Variants in RASGRF1 observed in about 807,000 individuals in gnomAD.
The protein encoded by RASGRF1 is ras-specific guanine nucleotide-releasing factor 1.
A neutral mutation model predicts 138.7 loss-of-function variants in RASGRF1; 40 were observed. The ratio of observed to expected loss-of-function variants is 0.29; its 90% CI spans 0.22 to 0.38. The LOEUF is 0.38. RASGRF1 is among the 10% of genes least tolerant of loss of function. The probability of loss-of-function intolerance (pLI) is 1.00; values close to 1 mark genes in which losing one functional copy is unlikely to be tolerated. For missense variants in RASGRF1, 1,108 were observed against 1,650.4 expected (o/e 0.67, Z 5.69); for synonymous variants, 614 against 663.2 (o/e 0.93, Z 1.14).
intron 20 of RASGRF1, among the ~76,000 whole-genome samples, chr15:78,993,575 C>T (rs2056327575): frequency 6.6e-6 from 1 of 152,024 alleles, no homozygotes; most frequent in South Asian, 2.1e-4. Context: ...AGAACCCAGG[C>T]AGGGGATCCC....
chr15:78,997,697 C>T (rs2056423982), intron 19 of RASGRF1, among the ~76,000 whole-genome samples: 1 of 141,662 alleles, frequency 7.1e-6, no homozygotes, highest in South Asian at 2.2e-4. Context: ...GATCACATCA[C>T]TGCATTCTAG....
chr15:79,023,905 C>T (rs2057002536), intron 10 of RASGRF1, among the ~76,000 whole-genome samples: 1 of 152,024 alleles, frequency 6.6e-6, no homozygotes, highest in African/African-American at 2.4e-5. Flanking sequence ...GCCCTTCACA[C>T]ACACCACACA....
In RASGRF1 at chr15:79,090,774, A is replaced by G; in HGVS notation, c.-276T>C. ...CCCTCCTCCGGTGCCGGGCAAACTG[A>G]GGGACTGGCGATCTGCGCGCTGGCG... On this transcript the variant is annotated 5_prime_UTR_variant, in exon 1 of 27. Coordinates refer to ENST00000558480, the MANE Select transcript of RASGRF1 (RefSeq NM_001145648.3). 1 of 473,846 alleles carries G rather than the reference A, an allele frequency of 2.1e-6. No individual in the cohort carries two copies. The highest frequency in any genetic ancestry group is 3.7e-6 in the Non-Finnish European group (1 of 269,412). 29.4% of individuals were successfully genotyped at this position (473,846 alleles called of 1,614,324 possible). A position where few individuals can be genotyped will look rare whatever the true frequency, so the allele number is the denominator to read the frequency against.
At chr15:79,008,146 G>A (rs2056722335) in intron 13 of RASGRF1, among the ~76,000 whole-genome samples, 1 of 152,232 alleles carries the variant, frequency 6.6e-6, no homozygotes, top group South Asian at 2.1e-4. Context: ...TGGCTCACCT[G>A]TTCTTTCGAG....
intron 4 of RASGRF1, among the ~76,000 whole-genome samples, chr15:79,047,310 C>T (rs554656001): frequency 6.6e-6 from 1 of 152,174 alleles, no homozygotes; most frequent in African/African-American, 2.4e-5. Flanking sequence ...TGCAGATTCT[C>T]AAGCCCCACC....
intron 2 of RASGRF1, among the ~76,000 whole-genome samples, chr15:79,060,557 C>T (rs1430191953): frequency 1.3e-5 from 2 of 152,232 alleles, no homozygotes; most frequent in African/African-American, 2.4e-5. Context: ...CACCCCCGCT[C>T]AGGCACCCAT....
chr15:79,010,226 T>C (rs1467843363), intron 13 of RASGRF1, among the ~76,000 whole-genome samples: 1 of 151,574 alleles, frequency 6.6e-6, no homozygotes, highest in African/African-American at 2.4e-5. Flanking sequence ...TTAGTAGAGA[T>C]GGGGTTTCAC....
intron 5 of RASGRF1, among the ~76,000 whole-genome samples, chr15:79,042,489 G>A (rs2057309447): frequency 6.6e-6 from 1 of 152,200 alleles, no homozygotes; most frequent in African/African-American, 2.4e-5. Flanking sequence ...CACACAAGGG[G>A]GAGTTCTCCA....
At chr15:79,079,388 T>C (rs2057882951) in intron 1 of RASGRF1, among the ~76,000 whole-genome samples, 2 of 150,292 alleles carry the variant, frequency 1.3e-5, no homozygotes, top group South Asian at 4.2e-4. Flanking sequence ...ATTTACTTAT[T>C]AACTGCGGCT....
rs968991507 is a variant in RASGRF1 at position 78,973,806 on chromosome 15, G to A, written c.3495-386C>T. ...ATCTCTCCCTGAGACTCTCCCATCC[G>A]GATCCTCCCCCGAATCACCTCCTGG... On this transcript the variant is annotated intron_variant, in intron 24 of 26. Coordinates refer to ENST00000558480, the MANE Select transcript of RASGRF1 (RefSeq NM_001145648.3). This position sits in a 1 kb window ranked among gnomAD's most constrained non-coding sequence, Gnocchi z 4.9. Among the ~76,000 whole-genome samples, 8 of 151,964 alleles carry A rather than the reference G, an allele frequency of 5.3e-5. No individual in the cohort carries two copies. Among genetic ancestry groups the A allele is most frequent in the African/African-American group, 1.5e-4 (6 of 41,372 alleles).
In RASGRF1 at chr15:78,998,120, C is replaced by A. The variant is rs753179886; in HGVS notation, c.2942G>T (p.Arg981Leu). ...CCTGATGATGTTGGCTGCAGCCTTC[C>A]GCTCCTGGGTCAGGAGCTCCGGGTC... ...MHDPELLTQERKAAANIIRTL... is the reference protein window; with the variant it reads ...MHDPELLTQELKAAANIIRTL... Residue 981 changes from arginine (R) to leucine (L), a missense_variant, in exon 19 of 27, where the codon CGG becomes CTG. By Grantham distance (102) the Arg-to-Leu change is moderately radical. Coordinates refer to ENST00000558480, the MANE Select transcript of RASGRF1 (RefSeq NM_001145648.3). 2 of 1,613,956 alleles carry A rather than the reference C, an allele frequency of 1.2e-6. No homozygotes were observed. The highest frequency in any genetic ancestry group is 1.6e-4 in the Middle Eastern group (1 of 6,084).
intron 1 of RASGRF1, among the ~76,000 whole-genome samples, chr15:79,082,134 G>T (rs2057921876): frequency 6.6e-6 from 1 of 152,236 alleles, no homozygotes; most frequent in Non-Finnish European, 1.5e-5. Context: ...TCTGGCTGCA[G>T]AGAGGCCAGT....
intron 17 of RASGRF1, among the ~76,000 whole-genome samples, chr15:78,999,497 C>T (rs1351294070): frequency 1.3e-5 from 2 of 152,118 alleles, no homozygotes; most frequent in Non-Finnish European, 2.9e-5. Flanking sequence ...CCCAGCACCT[C>T]CACAAGTGGA....
chr15:78,971,748 TG>T, intron 26 of RASGRF1, 117 bp downstream of exon 26: 1 of 959,890 alleles, frequency 1.0e-6, no homozygotes, highest in South Asian at 1.4e-5. Context: ...GCATTTGAGC[TG>T]GGCTCGAGAG....
chr15:79,005,797 C>T (rs901071166), intron 14 of RASGRF1: 2 of 290,074 alleles, frequency 6.9e-6, no homozygotes, highest in African/African-American at 2.3e-5. Flanking sequence ...CTCCCTCTCT[C>T]CTTCTGTCCT....
rs550669411 is a variant in RASGRF1, at chr15:79,071,640, G to A, written c.277-7114C>T. Among the ~76,000 whole-genome samples the A allele has an allele frequency of 1.4e-4, 21 of 152,140 alleles. No individual in the cohort carries two copies. In the South Asian group the frequency reaches 4.1e-3, roughly 30 times the overall value. ...CCTCCTTGGCCTCCCAAAGTACTGG[G>A]ATCATAGTTGTGAGCCACTGTGCCT... is the stretch of plus-strand genomic sequence containing the variant. On this transcript the variant is annotated intron_variant, in intron 1 of 26. Transcript: ENST00000558480.
chr15:79,059,251 AT>A (rs2057556412), intron 2 of RASGRF1, among the ~76,000 whole-genome samples: 1 of 20,254 alleles, frequency 4.9e-5, no homozygotes, highest in Non-Finnish European at 9.1e-5. Flanking sequence ...TCCCTTCCCT[AT>A]CCTTCCCTTC....
intron 4 of RASGRF1, among the ~76,000 whole-genome samples, chr15:79,047,209 C>T (rs1347737184): frequency 6.6e-6 from 1 of 152,206 alleles, no homozygotes; most frequent in Non-Finnish European, 1.5e-5. Flanking sequence ...AGTCAGTTTT[C>T]CCATCTGTAA....
chr15:79,056,986 AC>A (rs1237779976), intron 3 of RASGRF1, among the ~76,000 whole-genome samples: 2 of 152,010 alleles, frequency 1.3e-5, no homozygotes, highest in African/African-American at 2.4e-5. Context: ...GCATGTTCCT[AC>A]CTCCCACCGC....
Sources: allele counts gnomAD v4.1 joint callset (sites outside exome capture counted in the v4.1 genomes callset), GRCh38; gene constraint gnomAD v4.1.1; non-coding constraint Gnocchi (gnomAD v3.1); transcripts MANE v1.5; gene names NCBI Gene and HGNC (gene_info 2026-07-23, HGNC 2026-07-21).